Variants in ZNF146 observed in about 807,000 individuals in gnomAD.
ZNF146 encodes the protein zinc finger protein 146, also known as zinc finger protein OZF.
Under a neutral mutation model 22.2 loss-of-function variants are expected in ZNF146, and 9 were observed. The ratio of observed to expected loss-of-function variants is 0.41; its 90% CI spans 0.24 to 0.71. The LOEUF is 0.71. Ranked by LOEUF, ZNF146 falls within the 30% of genes least tolerant of loss-of-function variation. ZNF146 has a pLI of 0.34. For synonymous variants in ZNF146, 108 were observed against 119.2 expected, an observed-to-expected ratio of 0.91 and a Z score of 0.61; for missense variants, 194 against 344.8, an observed-to-expected ratio of 0.56 and a Z score of 3.46.
At chr19:36,229,459 C>T (rs73931518) in intron 3 of ZNF146, among the ~76,000 whole-genome samples, 3,603 of 152,276 alleles carry the variant, frequency 0.024, 166 homozygotes, top group African/African-American at 0.083. Context: ...GTCCTCCTGC[C>T]TCAGACTCCC....
intron 2 of ZNF146, among the ~76,000 whole-genome samples, chr19:36,223,802 A>G (rs1405697351): frequency 6.6e-6 from 1 of 151,824 alleles, no homozygotes; most frequent in Admixed American, 6.6e-5. Context: ...GCTGGGGTGC[A>G]GTGGCGTGAT....
intron 3 of ZNF146, among the ~76,000 whole-genome samples, chr19:36,229,979 C>CA (rs1408851847): frequency 6.6e-6 from 1 of 152,230 alleles, no homozygotes; most frequent in Admixed American, 6.5e-5. Context: ...CTCGGCCTCT[C>CA]AAAGTGCTGG....
rs749161986 is a variant in ZNF146 at position 36,236,651 on chromosome 19, C to G, written c.211C>G (p.Leu71Val). 2 of 1,614,166 alleles carry G rather than the reference C, an allele frequency of 1.2e-6. No homozygotes were observed. Among genetic ancestry groups the G allele is most frequent in the South Asian group, 2.2e-5 (2 of 91,074 alleles). ...TCAGAACACCCATACTGGCGAGAAG[C>G]TTTTCGAATGTAATGAATGTGGAAA... ...KHQNTHTGEK[L>V]FECNECGKSF... The change falls in exon 4 of 4, where the codon CTT becomes GTT. Residue 71 changes from leucine (L) to valine (V), a missense_variant. Leu to Val is a conservative substitution (Grantham distance 32, BLOSUM62 1). This residue lies in a region of ZNF146 where 147 missense variants were observed against 300.1 expected (regional missense o/e 0.49). Transcript: ENST00000443387.
At chr19:36,233,911 T>TTA (rs984023735) in intron 3 of ZNF146, among the ~76,000 whole-genome samples, 2 of 147,172 alleles carry the variant, frequency 1.4e-5, no homozygotes, top group Non-Finnish European at 2.9e-5. Flanking sequence ...CACAGACCCT[T>TTA]TACGGGTGTC....
chr19:36,217,397 GAGA>G (rs1405143088), intron 1 of ZNF146, among the ~76,000 whole-genome samples: 2 of 151,936 alleles, frequency 1.3e-5, no homozygotes, highest in Non-Finnish European at 2.9e-5. Flanking sequence ...AGGAGAGAGA[GAGA>G]AGAAAGAAAA....
chr19:36,222,279 A>G (rs1480177822), intron 2 of ZNF146, among the ~76,000 whole-genome samples: 1 of 152,158 alleles, frequency 6.6e-6, no homozygotes, highest in African/African-American at 2.4e-5. Context: ...CAGCTGCTGT[A>G]TAAATAAGAT....
chr19:36,229,571 A>G (rs552185086), intron 3 of ZNF146, among the ~76,000 whole-genome samples: 1 of 152,192 alleles, frequency 6.6e-6, no homozygotes, highest in Non-Finnish European at 1.5e-5. Flanking sequence ...GAGGTAACCT[A>G]GGAATAAGCC....
chr19:36,229,282 C>A (rs757366065), intron 3 of ZNF146, among the ~76,000 whole-genome samples: 8 of 152,220 alleles, frequency 5.3e-5, no homozygotes, highest in African/African-American at 1.9e-4. Flanking sequence ...TCTCTGCCAT[C>A]GTAGATCCAT....
intron 1 of ZNF146, among the ~76,000 whole-genome samples, chr19:36,216,130 G>A (rs1339605458): frequency 3.9e-5 from 6 of 152,066 alleles, no homozygotes; most frequent in Admixed American, 3.9e-4. Flanking sequence ...TAAATAAATA[G>A]CCTTCTAATT....
At chr19:36,233,083 A>G (rs1198405376) in intron 3 of ZNF146, among the ~76,000 whole-genome samples, 1 of 152,108 alleles carries the variant, frequency 6.6e-6, no homozygotes, top group East Asian at 1.9e-4. Context: ...TGTATTTTCT[A>G]CCAAGAAAAG....
At chr19:36,230,610 A>G (rs2145440232) in intron 3 of ZNF146, among the ~76,000 whole-genome samples, 1 of 152,302 alleles carries the variant, frequency 6.6e-6, no homozygotes, top group East Asian at 1.9e-4. Context: ...AGAAGGAACA[A>G]AAGTGTTAAA....
At chr19:36,227,631 G>A (rs1450006291) in intron 2 of ZNF146, among the ~76,000 whole-genome samples, 1 of 151,988 alleles carries the variant, frequency 6.6e-6, no homozygotes, top group African/African-American at 2.4e-5. Context: ...CACTCTGTCA[G>A]GCCATCTTGA....
intron 3 of ZNF146, among the ~76,000 whole-genome samples, chr19:36,232,713 A>T (rs1045480504): frequency 1.3e-5 from 2 of 149,214 alleles, no homozygotes; most frequent in African/African-American, 2.5e-5. Flanking sequence ...GTTTCAAGTG[A>T]TTCTCCTGTC....
At chr19:36,218,849 C>T (rs1236833570) in intron 2 of ZNF146, among the ~76,000 whole-genome samples, 2 of 151,406 alleles carry the variant, frequency 1.3e-5, no homozygotes, top group Non-Finnish European at 2.9e-5. Flanking sequence ...CGGTTTGTCG[C>T]CCAGGCTGGA....
chr19:36,232,903 T>G (rs1357657136), intron 3 of ZNF146, among the ~76,000 whole-genome samples: 4 of 152,184 alleles, frequency 2.6e-5, no homozygotes, highest in Admixed American at 2.6e-4. Flanking sequence ...TTTTTTCATA[T>G]GAACATTTTT....
At chr19:36,235,415 C>A (rs1449190245) in intron 3 of ZNF146, among the ~76,000 whole-genome samples, 1 of 152,048 alleles carries the variant, frequency 6.6e-6, no homozygotes, top group Non-Finnish European at 1.5e-5. Flanking sequence ...CCTAGATCAC[C>A]TCAAGTAGGG....
intron 3 of ZNF146, among the ~76,000 whole-genome samples, chr19:36,232,923 CAA>C (rs1977450820): frequency 6.6e-6 from 1 of 152,216 alleles, no homozygotes; most frequent in South Asian, 2.1e-4. Context: ...TTAAATATAA[CAA>C]ATGCTGAAGG....
chr19:36,237,402 G>A lies in ZNF146; in HGVS notation c.*83G>A. 2 of 1,480,008 alleles carry A rather than the reference G, an allele frequency of 1.4e-6. No individual in the cohort carries two copies. The highest frequency in any genetic ancestry group is 9.0e-7 in the Non-Finnish European group (1 of 1,108,882). 91.7% of individuals were successfully genotyped at this position (1,480,008 alleles called of 1,614,324 possible). A position where few individuals can be genotyped will look rare whatever the true frequency, so the allele number is the denominator to read the frequency against. ...ATGCCCCAGAAATAATCCTTCTGAAGCAAAGCACCACGAATGAGGTTAACT... is the reference window on the plus strand; with the variant it reads ...ATGCCCCAGAAATAATCCTTCTGAAACAAAGCACCACGAATGAGGTTAACT... On this transcript the variant is annotated 3_prime_UTR_variant, in exon 4 of 4. Transcript: ENST00000443387.
intron 3 of ZNF146, among the ~76,000 whole-genome samples, chr19:36,232,236 T>C (rs1977414336): frequency 6.6e-6 from 1 of 150,852 alleles, no homozygotes; most frequent in African/African-American, 2.4e-5. Flanking sequence ...TGACTACAAA[T>C]ATGAACATAT....
Sources: gnomAD v4.1 joint callset for allele counts (sites outside exome capture counted in the v4.1 genomes callset) on GRCh38, gnomAD v4.1.1 for gene constraint, gnomAD v4.1.1 regional missense constraint, MANE v1.5 for transcripts, NCBI Gene and HGNC (gene_info 2026-07-23, HGNC 2026-07-21) for gene names.